The following PDIA5 variants were observed in gnomAD, a reference collection of about 807,000 sequenced individuals.
PDIA5 encodes protein disulfide isomerase family A member 5.
PDIA5 carries 58 observed loss-of-function variants against 77.6 expected under a neutral mutation model. The observed-to-expected ratio is 0.75, with a 90% CI of 0.61 to 0.93. The LOEUF (loss-of-function observed/expected upper bound fraction) is 0.93, where lower values mean the gene tolerates loss of function less well. Ranked by LOEUF, PDIA5 falls within the 40% of genes least tolerant of loss-of-function variation. The pLI, the probability that PDIA5 is intolerant of heterozygous loss-of-function variation, is 0.00. For synonymous variants in PDIA5, 250 were observed against 252.1 expected, an observed-to-expected ratio of 0.99 and a Z score of 0.08; for missense variants, 630 against 647.7, an observed-to-expected ratio of 0.97 and a Z score of 0.30.
intron 15 of PDIA5, among the ~76,000 whole-genome samples, chr3:123,160,973 T>C (rs1412578522): frequency 6.6e-6 from 1 of 152,100 alleles, no homozygotes; most frequent in East Asian, 1.9e-4. Context: ...AGTGGAGAAA[T>C]GATTAAATCC....
chr3:123,130,471 G>A lies in PDIA5; in HGVS notation c.774-9G>A, dbSNP rs372945980. The A allele has an allele frequency of 8.7e-6, 14 of 1,611,282 alleles. No individual in the cohort carries two copies. The highest frequency in any genetic ancestry group is 5.3e-5 in the African/African-American group (4 of 74,810). On this transcript the variant is annotated splice_polypyrimidine_tract_variant and intron_variant, in intron 10 of 16. Transcript: ENST00000316218. ...CTGCTCTGAGCTCTGCCTGTTTTTG[G>A]TCTTCCAGTCCGCAGCCGCCACAGC...
intron 6 of PDIA5, among the ~76,000 whole-genome samples, chr3:123,109,312 G>T (rs868403036): frequency 6.6e-6 from 1 of 152,284 alleles, no homozygotes; most frequent in African/African-American, 2.4e-5. Context: ...AAGCATCTTT[G>T]AATGTAATAT....
chr3:123,153,306 G>A (rs16834024), intron 14 of PDIA5, among the ~76,000 whole-genome samples: 7,687 of 152,248 alleles, frequency 0.05, 327 homozygotes, highest in African/African-American at 0.11. Context: ...GCTATTATGG[G>A]CATAGGCCAC....
chr3:123,133,039 A>G (rs563195790), intron 11 of PDIA5, among the ~76,000 whole-genome samples: 1 of 152,240 alleles, frequency 6.6e-6, no homozygotes, highest in East Asian at 1.9e-4. Flanking sequence ...CCCTTTCTAC[A>G]CACTTCTTCA....
At chr3:123,105,403 G>A (rs1356239016) in intron 5 of PDIA5, among the ~76,000 whole-genome samples, 1 of 152,184 alleles carries the variant, frequency 6.6e-6, no homozygotes, top group Non-Finnish European at 1.5e-5. Context: ...GAGTGTGGGT[G>A]TCGGGAAGAC....
chr3:123,103,627 C>T (rs927830351), intron 5 of PDIA5, among the ~76,000 whole-genome samples: 4 of 152,160 alleles, frequency 2.6e-5, no homozygotes, highest in South Asian at 2.1e-4. Flanking sequence ...TCTGCCCTTC[C>T]TTCTCCCTCT....
intron 1 of PDIA5, among the ~76,000 whole-genome samples, chr3:123,071,597 G>C (rs985424527): frequency 6.6e-6 from 1 of 152,206 alleles, no homozygotes; most frequent in Non-Finnish European, 1.5e-5. Flanking sequence ...TACAGCGGAA[G>C]TCTTAAAACA....
chr3:123,094,458 G>C (rs1305095460), intron 3 of PDIA5, among the ~76,000 whole-genome samples: 2 of 152,212 alleles, frequency 1.3e-5, no homozygotes, highest in African/African-American at 2.4e-5. Flanking sequence ...TGTTAGAAAA[G>C]GAGATCTCCA....
chr3:123,136,725 CAAAAAAAAAAA>C (rs59022235), intron 11 of PDIA5, among the ~76,000 whole-genome samples: 2 of 71,530 alleles, frequency 2.8e-5, no homozygotes, highest in Admixed American at 3.8e-4. Context: ...GGTGACAAGA[CAAAAAAAAAAA>C]AAAAAAAAAA....
rs67239583 is a variant in PDIA5, at chr3:123,151,734, TCCTGCCTGCCTGCCTGCCTG to T, written c.1273+1399_1273+1418del. ...TGCCAAAGATCTACAACTCCTTCCT[TCCTGCCTGCCTGCCTGCCTG>T]CCTGCCTGCCTGCCTGCCTGCCTGC... On this transcript the variant is annotated intron_variant, in intron 14 of 16. Coordinates refer to ENST00000316218, the MANE Select transcript of PDIA5 (RefSeq NM_006810.4). 3.5e-3 allele frequency among the ~76,000 whole-genome samples: 385 copies of T among 111,510 alleles called. 1 individual carries two copies. The highest frequency in any genetic ancestry group is 0.013 in the African/African-American group (361 of 27,954). 73.2% of individuals were successfully genotyped at this position (111,510 alleles called of 152,430 possible). A position where few individuals can be genotyped will look rare whatever the true frequency, so the allele number is the denominator to read the frequency against.
At position 123,162,007 on chromosome 3, in the gene PDIA5, G is replaced by A. The variant is rs553812587; in HGVS notation, c.*47G>A. The A allele has an allele frequency of 9.2e-7, 1 of 1,086,686 alleles. No homozygotes were observed. The highest frequency in any genetic ancestry group is 2.1e-5 in the Admixed American group (1 of 48,522). 67.3% of individuals were successfully genotyped at this position (1,086,686 alleles called of 1,614,324 possible). A position where few individuals can be genotyped will look rare whatever the true frequency, so the allele number is the denominator to read the frequency against. Reference sequence around the variant, plus strand: ...TTCCATTACACTGTGAATGATACCTGTTTTGTTGTTTCTGAATTTCCACAT... The same window carrying A: ...TTCCATTACACTGTGAATGATACCTATTTTGTTGTTTCTGAATTTCCACAT... On this transcript the variant is annotated 3_prime_UTR_variant, in exon 17 of 17. Coordinates refer to ENST00000316218, the MANE Select transcript of PDIA5 (RefSeq NM_006810.4).
Position 123,161,360 on chromosome 3 carries a change from C to A in PDIA5, c.1384C>A (p.Gln462Lys). 1 of 1,614,190 alleles carries A rather than the reference C, an allele frequency of 6.2e-7. No individual in the cohort carries two copies. The highest frequency in any genetic ancestry group is 1.1e-5 in the South Asian group (1 of 91,084). Residue 462 changes from glutamine (Q) to lysine (K), a missense_variant, in exon 16 of 17, where the codon CAA (glutamine) becomes AAA (lysine). Coordinates refer to ENST00000316218, the MANE Select transcript of PDIA5 (RefSeq NM_006810.4). ...AAVDCVKDKN[Q>K]DLCQQEAVKG... ...TGTTGACTGTGTCAAAGACAAGAAC[C>A]AAGACCTGTGCCAGCAGGAGGCGGT...
In PDIA5 at chr3:123,150,250, C is replaced by T. The variant is rs144782969; in HGVS notation, c.1159C>T (p.Pro387Ser). Reference protein sequence around the residue: ...EWMQNPEAPPPPEPTWEEQQT... With the variant: ...EWMQNPEAPPSPEPTWEEQQT... Reference sequence around the variant, plus strand: ...TTCTTGCAGCCCTGAGGCCCCCCCGCCCCCAGAGCCCACGTGGGAAGAGCA... The same window carrying T: ...TTCTTGCAGCCCTGAGGCCCCCCCGTCCCCAGAGCCCACGTGGGAAGAGCA... Residue 387 changes from proline to serine, a missense_variant, in exon 14 of 17, where the codon CCC becomes TCC. Pro to Ser is a moderately conservative substitution (Grantham distance 74, BLOSUM62 -1). Transcript: ENST00000316218. 14 of 1,612,452 alleles carry T rather than the reference C, an allele frequency of 8.7e-6. No homozygotes were observed. Among genetic ancestry groups the T allele is most frequent in the African/African-American group, 4.0e-5 (3 of 74,850 alleles).
intron 12 of PDIA5, 105 bp downstream of exon 12, chr3:123,145,697 C>T (rs923869922): frequency 1.0e-5 from 9 of 904,404 alleles, no homozygotes; most frequent in Admixed American, 3.9e-5. Flanking sequence ...TCCCGTGGTC[C>T]GTGGAGGCCA....
chr3:123,142,338 G>A (rs1009300213), intron 11 of PDIA5, among the ~76,000 whole-genome samples: 2 of 152,206 alleles, frequency 1.3e-5, no homozygotes, highest in Non-Finnish European at 2.9e-5. Flanking sequence ...GCATGTAATC[G>A]GTGTGTAAAA....
intron 14 of PDIA5, among the ~76,000 whole-genome samples, chr3:123,152,995 A>G (rs1235907928): frequency 1.3e-5 from 2 of 150,770 alleles, no homozygotes; most frequent in Non-Finnish European, 2.9e-5. Context: ...TACATTAAAT[A>G]AAAAAAATCA....
intron 15 of PDIA5, 37 bp from the exon 16 acceptor site, chr3:123,161,284 G>A: frequency 6.2e-7 from 1 of 1,605,756 alleles, no homozygotes; most frequent in South Asian, 1.1e-5. Flanking sequence ...TCAGCCTGGG[G>A]ACACCCTGTG....
intron 8 of PDIA5, among the ~76,000 whole-genome samples, chr3:123,119,832 T>C (rs1415850316): frequency 6.6e-6 from 1 of 152,272 alleles, no homozygotes; most frequent in Non-Finnish European, 1.5e-5. Context: ...CCTTTTTGGC[T>C]GGGTCTGTCT....
intron 5 of PDIA5, among the ~76,000 whole-genome samples, chr3:123,105,705 G>T (rs1333428579): frequency 3.3e-5 from 5 of 150,696 alleles, no homozygotes; most frequent in Non-Finnish European, 7.4e-5. Flanking sequence ...ATTATAGAAG[G>T]GCACTTCCCT....
Sources: allele counts gnomAD v4.1 joint callset (sites outside exome capture counted in the v4.1 genomes callset), GRCh38; gene constraint gnomAD v4.1.1; transcripts MANE v1.5; gene names NCBI Gene and HGNC (gene_info 2026-07-23, HGNC 2026-07-21).